The following TXNRD2 variants were observed in gnomAD, a reference collection of about 807,000 sequenced individuals.
TXNRD2 encodes the protein thioredoxin reductase 2, also known as thioredoxin reductase 2, mitochondrial.
TXNRD2 carries 67 observed loss-of-function variants against 70.8 expected under a neutral mutation model. That is an observed-to-expected ratio of 0.95 (90% CI 0.78 to 1.16). The LOEUF is 1.16. Among genes scored for constraint, TXNRD2 ranks in the 50% most tolerant of loss-of-function variants. TXNRD2 has a pLI of 0.00. For synonymous variants in TXNRD2, 301 were observed against 295.8 expected (o/e 1.02, Z -0.18); for missense variants, 644 against 719.9 (o/e 0.89, Z 1.21).
intron 1 of TXNRD2, among the ~76,000 whole-genome samples, chr22:19,935,242 TA>T (rs1186494769): frequency 6.6e-6 from 1 of 152,192 alleles, no homozygotes. Context: ...GGGAGGTCTG[TA>T]AACGGCCACT....
At chr22:19,912,142 G>T (rs1054015176) in intron 7 of TXNRD2, among the ~76,000 whole-genome samples, 9 of 152,172 alleles carry the variant, frequency 5.9e-5, no homozygotes, top group African/African-American at 2.2e-4. Flanking sequence ...GAAGAGGGGC[G>T]GCCAAGCAGG....
intron 8 of TXNRD2, among the ~76,000 whole-genome samples, chr22:19,909,683 TCA>T (rs1168992885): frequency 2.1e-4 from 11 of 51,830 alleles, no homozygotes; most frequent in Admixed American, 5.2e-4. Context: ...CACACACTAC[TCA>T]CACACACTGC....
Position 19,880,240 on chromosome 22 carries a change from TA to T in TXNRD2, c.1213del (p.Tyr405MetfsTer44). The T allele has an allele frequency of 6.2e-7, 1 of 1,613,738 alleles. No homozygotes were observed. The highest frequency in any genetic ancestry group is 8.5e-7 in the Non-Finnish European group (1 of 1,180,014). On this transcript the variant is annotated frameshift_variant, in exon 14 of 18. Coordinates refer to ENST00000400521, the MANE Select transcript of TXNRD2 (RefSeq NM_006440.5). LOFTEE classifies it high-confidence loss of function. ...CTCCTCGGACAGCCCCACACAGCCA[TA>T]CTCCAGCGGGGTGAAGACGGTCGTG... ...VPTTVFTPLE[Y>X]GCVGLSEEEA...
chr22:19,931,204 A>T, intron 1 of TXNRD2, 106 bp from the exon 2 acceptor site: 1 of 950,804 alleles, frequency 1.1e-6, no homozygotes. Flanking sequence ...GTCAGGGGTG[A>T]CAAGACACCA....
chr22:19,925,092 G>A (rs748976835), intron 2 of TXNRD2, among the ~76,000 whole-genome samples: 41 of 149,846 alleles, frequency 2.7e-4, no homozygotes, highest in Middle Eastern at 3.6e-3. Flanking sequence ...AGACCATCCT[G>A]GCTAACACGG....
intron 2 of TXNRD2, 149 bp from the exon 3 acceptor site, chr22:19,919,748 A>G (rs1940822040): frequency 1.7e-5 from 13 of 780,256 alleles, no homozygotes; most frequent in South Asian, 1.7e-4. Flanking sequence ...GCGCAATGCT[A>G]GGGACCCCTG....
chr22:19,893,384 A>G (rs1202935863), intron 11 of TXNRD2, among the ~76,000 whole-genome samples: 1 of 152,212 alleles, frequency 6.6e-6, no homozygotes, highest in Non-Finnish European at 1.5e-5. Context: ...AGGAGCCTAA[A>G]CTAGACGGCC....
At chr22:19,914,558 C>G (rs1284247499) in intron 7 of TXNRD2, among the ~76,000 whole-genome samples, 1 of 152,194 alleles carries the variant, frequency 6.6e-6, no homozygotes, top group Non-Finnish European at 1.5e-5. Context: ...GAAGGACTTA[C>G]ATGTACGATT....
At chr22:19,929,946 C>A (rs1043620076) in intron 2 of TXNRD2, among the ~76,000 whole-genome samples, 1 of 152,218 alleles carries the variant, frequency 6.6e-6, no homozygotes, top group Non-Finnish European at 1.5e-5. Flanking sequence ...TGTCCACATT[C>A]CGGATTAAAG....
At chr22:19,936,279 C>G (rs1482254495) in intron 1 of TXNRD2, among the ~76,000 whole-genome samples, 1 of 146,446 alleles carries the variant, frequency 6.8e-6, no homozygotes. Flanking sequence ...TTTCCTCTCC[C>G]ACTCGGCCTT....
chr22:19,917,512 G>C (rs564407764), intron 5 of TXNRD2, among the ~76,000 whole-genome samples: 9 of 152,126 alleles, frequency 5.9e-5, no homozygotes, highest in Non-Finnish European at 1.0e-4. Flanking sequence ...AGACCTCTGC[G>C]GGACCACTGT....
chr22:19,885,894 TTAAAAGTAGTCACAAGAGA>T (rs761197226), intron 11 of TXNRD2, among the ~76,000 whole-genome samples: 103 of 152,168 alleles, frequency 6.8e-4, no homozygotes, highest in Middle Eastern at 3.4e-3. Context: ...AAAGATAAAT[TTAAAAGTAGTCACAAGAGA>T]TAAAAGAGGC....
At chr22:19,929,809 T>C (rs920185592) in intron 2 of TXNRD2, among the ~76,000 whole-genome samples, 7 of 105,632 alleles carry the variant, frequency 6.6e-5, no homozygotes, top group African/African-American at 2.5e-4. Flanking sequence ...CATGGACACA[T>C]GCACACATAA....
At chr22:19,939,768 A>C (rs1376832303) in intron 1 of TXNRD2, among the ~76,000 whole-genome samples, 1 of 152,188 alleles carries the variant, frequency 6.6e-6, no homozygotes, top group Non-Finnish European at 1.5e-5. Flanking sequence ...GCTATAGGGA[A>C]ATGGGGACAT....
Position 19,918,776 on chromosome 22 carries a change from G to C in TXNRD2, c.374+84C>G, listed in dbSNP as rs1940752175. 2.5e-5 allele frequency: 38 copies of C among 1,538,974 alleles called. No individual in the cohort carries two copies. The South Asian group carries it at 4.2e-4, about 17-fold the overall frequency. On this transcript the variant is annotated intron_variant, in intron 4 of 17. Coordinates refer to ENST00000400521, the MANE Select transcript of TXNRD2 (RefSeq NM_006440.5). ...CATCCTACGGCCCACTCCCCATGAGGGCTCATCGAGGATAAGCCTCCTCTT... is the reference window on the plus strand; with the variant it reads ...CATCCTACGGCCCACTCCCCATGAGCGCTCATCGAGGATAAGCCTCCTCTT...
intron 8 of TXNRD2, among the ~76,000 whole-genome samples, chr22:19,906,829 GGT>G (rs1940038569): frequency 7.1e-6 from 1 of 140,400 alleles, no homozygotes; most frequent in Admixed American, 7.3e-5. Flanking sequence ...GGGCGCCGTG[GGT>G]AGCAGTGACC....
At chr22:19,897,857 C>T (rs910269349) in intron 10 of TXNRD2, among the ~76,000 whole-genome samples, 182 bp downstream of exon 10, 3 of 152,238 alleles carry the variant, frequency 2.0e-5, no homozygotes, top group Non-Finnish European at 2.9e-5. Context: ...TGCCACCCTC[C>T]TCCCTCGCTC....
At chr22:19,880,338 G>T in intron 13 of TXNRD2, 67 bp from the exon 14 acceptor site, 1 of 1,492,530 alleles carries the variant, frequency 6.7e-7, no homozygotes, top group South Asian at 1.1e-5. Context: ...CACTGCATGT[G>T]ACACAAAGAG....
At position 19,912,268 on chromosome 22, in the gene TXNRD2, A is replaced by G. The variant is rs114983179; in HGVS notation, c.592-821T>C. Among the ~76,000 whole-genome samples, 121 of 152,348 alleles carry G rather than the reference A, an allele frequency of 7.9e-4. 1 individual carries two copies. The highest frequency in any genetic ancestry group is 2.5e-3 in the African/African-American group (105 of 41,590). ...CTGGCAAAAAAAAATAAAGTCAGGA[A>G]TTTCTCAGGTTTACTCAAGGAAAAC... On this transcript the variant is annotated intron_variant, in intron 7 of 17. Coordinates refer to ENST00000400521, the MANE Select transcript of TXNRD2 (RefSeq NM_006440.5).
Sources: allele counts gnomAD v4.1 joint callset (sites outside exome capture counted in the v4.1 genomes callset), GRCh38; gene constraint gnomAD v4.1.1; transcripts MANE v1.5; gene names NCBI Gene and HGNC (gene_info 2026-07-23, HGNC 2026-07-21).